The following SPPL3 variants were observed in gnomAD, a reference collection of about 807,000 sequenced individuals.
SPPL3 encodes the protein signal peptide peptidase like 3, also known as signal peptide peptidase-like 3.
A neutral mutation model predicts 42.4 loss-of-function variants in SPPL3; 5 were observed. That is an observed-to-expected ratio of 0.12 (90% confidence interval 0.06 to 0.25). SPPL3 has a LOEUF of 0.25. SPPL3 is among the 10% of genes least tolerant of loss of function. The pLI is 1.00. For synonymous variants in SPPL3, 195 were observed against 181.8 expected (o/e 1.07, Z -0.58); for missense variants, 235 against 489.0 (o/e 0.48, Z 4.90).
At chr12:120,788,675 C>T (rs778820338) in intron 3 of SPPL3, among the ~76,000 whole-genome samples, 8 of 152,214 alleles carry the variant, frequency 5.3e-5, no homozygotes, top group Non-Finnish European at 1.2e-4. Flanking sequence ...TATCTCTTTA[C>T]AAATTCCTTG....
At chr12:120,898,361 A>G (rs2137072403) in intron 1 of SPPL3, among the ~76,000 whole-genome samples, 1 of 138,128 alleles carries the variant, frequency 7.2e-6, no homozygotes, top group African/African-American at 2.6e-5. Flanking sequence ...GCAGCCACCT[A>G]TTTATATCTA....
chr12:120,879,549 A>G (rs927305132), intron 1 of SPPL3, among the ~76,000 whole-genome samples: 2 of 152,138 alleles, frequency 1.3e-5, no homozygotes, highest in Non-Finnish European at 2.9e-5. Context: ...AGAGATTTTT[A>G]CCGCCCAACT....
chr12:120,891,303 A>C (rs1041168370), intron 1 of SPPL3, among the ~76,000 whole-genome samples: 2 of 152,082 alleles, frequency 1.3e-5, no homozygotes, highest in Non-Finnish European at 2.9e-5. Context: ...ACTAACTCCT[A>C]ATCTCCCAAA....
chr12:120,778,024 T>C (rs1033019804), intron 6 of SPPL3, among the ~76,000 whole-genome samples: 1 of 151,822 alleles, frequency 6.6e-6, no homozygotes, highest in African/African-American at 2.4e-5. Flanking sequence ...AAAAAAAGCA[T>C]TGAATAACTA....
At chr12:120,844,173 C>T (rs1871938933) in intron 1 of SPPL3, among the ~76,000 whole-genome samples, 1 of 152,008 alleles carries the variant, frequency 6.6e-6, no homozygotes, top group African/African-American at 2.4e-5. Flanking sequence ...ACCTGCTTTC[C>T]CCCCAGTTTT....
Position 120,784,479 on chromosome 12 carries a change from G to A in SPPL3, c.305C>T (p.Thr102Ile), listed in dbSNP as rs1446778113. ...ACAGAGAAACTCATATTTACCTGCTGTACATATTGTAAAAACTACTTGAAC... is the reference window on the plus strand; with the variant it reads ...ACAGAGAAACTCATATTTACCTGCTATACATATTGTAAAAACTACTTGAAC... Reference protein sequence around the residue: ...DSVQVVFTICTAVLATIAFAF... With the variant: ...DSVQVVFTICIAVLATIAFAF... Residue 102 changes from threonine (T) to isoleucine (I), a missense_variant, in exon 4 of 11, where the codon ACA (threonine) becomes ATA (isoleucine). Physicochemically the swap from Thr to Ile is moderately conservative, Grantham distance 89 (BLOSUM62 -1). Around this residue, in one of 6 missense-constraint regions of SPPL3, gnomAD observed 110 missense variants for 186.2 expected, o/e 0.59. Coordinates refer to ENST00000353487, the MANE Select transcript of SPPL3 (RefSeq NM_139015.5). 6.2e-7 allele frequency: 1 copy of A among 1,607,438 alleles called. No individual in the cohort carries two copies. The highest frequency in any genetic ancestry group is 1.3e-5 in the African/African-American group (1 of 74,466).
At chr12:120,811,789 G>A (rs749412274) in intron 1 of SPPL3, among the ~76,000 whole-genome samples, 43 of 152,126 alleles carry the variant, frequency 2.8e-4, no homozygotes, top group Non-Finnish European at 4.7e-4. Flanking sequence ...AAATAAGAGT[G>A]CCTTGGTCTC....
At chr12:120,903,740 C>CT (rs1233158125) in intron 1 of SPPL3, 105 bp downstream of exon 1, 2 of 722,090 alleles carry the variant, frequency 2.8e-6, no homozygotes, top group Non-Finnish European at 4.1e-6. Flanking sequence ...GCGCCCCCCC[C>CT]CCACGACACG....
intron 1 of SPPL3, among the ~76,000 whole-genome samples, chr12:120,894,372 TA>T (rs1400263088): frequency 1.3e-5 from 2 of 152,280 alleles, no homozygotes; most frequent in African/African-American, 4.8e-5. Flanking sequence ...CATAAGTTTA[TA>T]AAGTCAGAGT....
At chr12:120,799,576 G>C (rs1258139575) in intron 2 of SPPL3, among the ~76,000 whole-genome samples, 7 of 152,158 alleles carry the variant, frequency 4.6e-5, no homozygotes, top group East Asian at 1.9e-4. Flanking sequence ...ATCAGATGGT[G>C]GGGGAGGGTG....
chr12:120,820,819 G>A (rs998340541), intron 1 of SPPL3, among the ~76,000 whole-genome samples: 4 of 151,514 alleles, frequency 2.6e-5, no homozygotes, highest in Admixed American at 2.0e-4. Flanking sequence ...AAGGCTGGGC[G>A]CAGTGGCTCA....
intron 10 of SPPL3, among the ~76,000 whole-genome samples, chr12:120,765,987 T>G (rs772503707): frequency 1.3e-5 from 2 of 152,178 alleles, no homozygotes; most frequent in Non-Finnish European, 2.9e-5. Context: ...GCTCTGGGGC[T>G]TTCAATTAGT....
intron 1 of SPPL3, among the ~76,000 whole-genome samples, chr12:120,868,612 G>C (rs1872832735): frequency 6.6e-6 from 1 of 152,130 alleles, no homozygotes; most frequent in African/African-American, 2.4e-5. Context: ...CTCCCAAGTA[G>C]CTGGGACTAC....
At chr12:120,867,764 G>A (rs1027492874) in intron 1 of SPPL3, among the ~76,000 whole-genome samples, 2 of 146,448 alleles carry the variant, frequency 1.4e-5, no homozygotes, top group Admixed American at 1.4e-4. Flanking sequence ...ATTTTTTTTT[G>A]AGACAGAGTC....
intron 2 of SPPL3, among the ~76,000 whole-genome samples, chr12:120,798,542 A>ATT (rs1870184795): frequency 6.6e-6 from 1 of 152,244 alleles, no homozygotes; most frequent in Non-Finnish European, 1.5e-5. Flanking sequence ...CAGAGCTAAC[A>ATT]ATGTGCAGGA....
At chr12:120,808,891 T>C (rs1461805618) in intron 2 of SPPL3, among the ~76,000 whole-genome samples, 1 of 152,224 alleles carries the variant, frequency 6.6e-6, no homozygotes, top group Non-Finnish European at 1.5e-5. Flanking sequence ...CTTTGAAATA[T>C]TAATGCATTA....
chr12:120,857,979 T>C (rs1872514590), intron 1 of SPPL3, among the ~76,000 whole-genome samples: 1 of 151,648 alleles, frequency 6.6e-6, no homozygotes, highest in South Asian at 2.1e-4. Context: ...AATATATATT[T>C]AAAAAGAAAG....
intron 3 of SPPL3, among the ~76,000 whole-genome samples, chr12:120,787,707 T>C (rs1869769433): frequency 6.6e-6 from 1 of 152,196 alleles, no homozygotes; most frequent in African/African-American, 2.4e-5. Context: ...TCCTGACTTT[T>C]ATGACACGTT....
intron 3 of SPPL3, among the ~76,000 whole-genome samples, chr12:120,791,205 C>T (rs541865862): frequency 3.9e-5 from 6 of 152,280 alleles, no homozygotes; most frequent in Admixed American, 1.3e-4. Flanking sequence ...ATGTTGAGTA[C>T]ATGGCAGATC....
Sources: allele counts gnomAD v4.1 joint callset (sites outside exome capture counted in the v4.1 genomes callset), GRCh38; gene constraint gnomAD v4.1.1; regional missense constraint gnomAD v4.1.1; transcripts MANE v1.5; gene names NCBI Gene and HGNC (gene_info 2026-07-23, HGNC 2026-07-21).